The following ZFYVE9 variants were observed in gnomAD, a reference collection of about 807,000 sequenced individuals.
The protein encoded by ZFYVE9 is zinc finger FYVE domain-containing protein 9.
In ZFYVE9, 43 loss-of-function variants were observed where a neutral mutation model predicts 126.7. That is an observed-to-expected ratio of 0.34 (90% CI 0.27 to 0.44). The LOEUF is 0.44. Ranked by LOEUF, ZFYVE9 falls within the 20% of genes least tolerant of loss-of-function variation. ZFYVE9 has a pLI of 1.00. For synonymous variants in ZFYVE9, 521 were observed against 597.4 expected (o/e 0.87, Z 1.87); for missense variants, 1,476 against 1,697.0 (o/e 0.87, Z 2.29).
intron 1 of ZFYVE9, among the ~76,000 whole-genome samples, chr1:52,200,536 A>G (rs551303643): frequency 4.5e-4 from 69 of 152,268 alleles, no homozygotes; most frequent in African/African-American, 1.6e-3. Context: ...TCTTGTTTTC[A>G]TAGATCATTC....
chr1:52,302,687 G>T (rs1249206303), intron 12 of ZFYVE9, among the ~76,000 whole-genome samples: 1 of 151,854 alleles, frequency 6.6e-6, no homozygotes, highest in Non-Finnish European at 1.5e-5. Context: ...GGAGGCAGAG[G>T]ATTCAGTGAG....
intron 13 of ZFYVE9, among the ~76,000 whole-genome samples, chr1:52,318,720 G>T (rs1646210834): frequency 6.6e-6 from 1 of 152,174 alleles, no homozygotes; most frequent in East Asian, 1.9e-4. Context: ...ACTAAGTGAA[G>T]TTAGCAAAGT....
At chr1:52,243,334 G>A (rs1176627522) in intron 4 of ZFYVE9, among the ~76,000 whole-genome samples, 1 of 152,148 alleles carries the variant, frequency 6.6e-6, no homozygotes. Context: ...AAAAAATGGG[G>A]GTGGGAGAAG....
At chr1:52,163,017 A>G (rs755234402) in intron 1 of ZFYVE9, 1 of 247,032 alleles carries the variant, frequency 4.0e-6, no homozygotes, top group Non-Finnish European at 7.8e-6. Flanking sequence ...ATTCTTCCAG[A>G]TTCTTTTAAT....
At chr1:52,245,875 T>G (rs1645379758) in intron 4 of ZFYVE9, among the ~76,000 whole-genome samples, 1 of 152,218 alleles carries the variant, frequency 6.6e-6, no homozygotes, top group Admixed American at 6.5e-5. Flanking sequence ...ATGGTGATCT[T>G]TATGTTATTT....
chr1:52,288,925 C>CAA (rs775138803), intron 10 of ZFYVE9, among the ~76,000 whole-genome samples: 1,052 of 61,540 alleles, frequency 0.017, 37 homozygotes, highest in African/African-American at 0.05. Flanking sequence ...GACTCTGTCT[C>CAA]AAAAAAAAAA....
chr1:52,174,243 G>T (rs1186442202), intron 1 of ZFYVE9, among the ~76,000 whole-genome samples: 1 of 152,100 alleles, frequency 6.6e-6, no homozygotes, highest in Non-Finnish European at 1.5e-5. Context: ...CTTTATTTCT[G>T]CCTTCATTTT....
chr1:52,242,326 C>T (rs1197053002), intron 4 of ZFYVE9, among the ~76,000 whole-genome samples: 1 of 152,204 alleles, frequency 6.6e-6, no homozygotes, highest in African/African-American at 2.4e-5. Flanking sequence ...GCCACTGCGC[C>T]TGGCCAATCT....
At chr1:52,304,270 A>T (rs577027010) in intron 13 of ZFYVE9, among the ~76,000 whole-genome samples, 5 of 152,018 alleles carry the variant, frequency 3.3e-5, no homozygotes, top group African/African-American at 4.8e-5. Context: ...TTATTTATTT[A>T]TTTATTTTTT....
chr1:52,337,561 G>A (rs1646400623), intron 15 of ZFYVE9, among the ~76,000 whole-genome samples: 1 of 152,248 alleles, frequency 6.6e-6, no homozygotes, highest in South Asian at 2.1e-4. Flanking sequence ...ATTCTTAGTT[G>A]TGTCTGAAGT....
At position 52,346,592 on chromosome 1, in the gene ZFYVE9, G is replaced by T; in HGVS notation, c.*371G>T. On this transcript the variant is annotated 3_prime_UTR_variant, in exon 19 of 19. Transcript: ENST00000287727. ...TCAAATGGGTACAACCATCACCAAG[G>T]GTGGGATGGGAGGGCAGAGGGGAAA... 2 of 400,924 alleles carry T rather than the reference G, an allele frequency of 5.0e-6. No homozygotes were observed. The highest frequency in any genetic ancestry group is 2.5e-4 in the South Asian group (2 of 8,014). The allele number at this position is 400,924 out of a possible 1,614,324, so 24.8% of individuals were successfully genotyped here. A position where few individuals can be genotyped will look rare whatever the true frequency, so the allele number is the denominator to read the frequency against.
At chr1:52,160,925 G>C (rs1572063935) in intron 1 of ZFYVE9, among the ~76,000 whole-genome samples, 1 of 152,284 alleles carries the variant, frequency 6.6e-6, no homozygotes, top group South Asian at 2.1e-4. Context: ...CATAGAACAT[G>C]ATAATCCCCA....
chr1:52,273,156 G>A (rs892077279), intron 7 of ZFYVE9, among the ~76,000 whole-genome samples: 4 of 151,640 alleles, frequency 2.6e-5, no homozygotes, highest in African/African-American at 7.3e-5. Context: ...ACAGGCATGC[G>A]CCACCACGCC....
intron 7 of ZFYVE9, among the ~76,000 whole-genome samples, chr1:52,272,253 T>TA (rs1272358884): frequency 6.6e-6 from 1 of 152,244 alleles, no homozygotes; most frequent in Non-Finnish European, 1.5e-5. Context: ...TGGTTTTATA[T>TA]ATATGTGCAT....
intron 12 of ZFYVE9, among the ~76,000 whole-genome samples, chr1:52,296,507 C>G (rs148936875): frequency 1.3e-5 from 2 of 152,114 alleles, no homozygotes; most frequent in African/African-American, 4.8e-5. Flanking sequence ...TTCCTTTCTT[C>G]TGGGCTCTCT....
At chr1:52,182,866 A>G (rs1232389492) in intron 1 of ZFYVE9, among the ~76,000 whole-genome samples, 2 of 152,076 alleles carry the variant, frequency 1.3e-5, no homozygotes, top group Admixed American at 6.5e-5. Flanking sequence ...TATTTTCCTC[A>G]TTTATATTTT....
intron 15 of ZFYVE9, chr1:52,334,988 C>T (rs2147872032): frequency 2.6e-6 from 1 of 391,834 alleles, no homozygotes; most frequent in South Asian, 3.5e-5. Flanking sequence ...GATGGCCTTT[C>T]AGAGCTCTGG....
chr1:52,254,022 G>T (rs192301319), intron 4 of ZFYVE9: 1 of 763,732 alleles, frequency 1.3e-6, no homozygotes, highest in African/African-American at 1.7e-5. Flanking sequence ...CAACTTGGAC[G>T]TTAATGATAC....
At chr1:52,182,058 C>G (rs867406428) in intron 1 of ZFYVE9, among the ~76,000 whole-genome samples, 3 of 151,188 alleles carry the variant, frequency 2.0e-5, no homozygotes, top group Admixed American at 2.0e-4. Flanking sequence ...AGGGGGTCAG[C>G]CCCTCGCCCG....
Sources: allele counts gnomAD v4.1 joint callset (sites outside exome capture counted in the v4.1 genomes callset), GRCh38; gene constraint gnomAD v4.1.1; transcripts MANE v1.5; gene names NCBI Gene and HGNC (gene_info 2026-07-23, HGNC 2026-07-21).